The following MZT2A variants were observed in gnomAD, a reference collection of about 807,000 sequenced individuals.
MZT2A encodes mitotic spindle organizing protein 2A.
MZT2A carries 8 observed loss-of-function variants against 12.4 expected under a neutral mutation model. That is an observed-to-expected ratio of 0.64 (90% confidence interval 0.38 to 1.16). The LOEUF is 1.16. Among genes scored for constraint, MZT2A ranks in the 50% most tolerant of loss-of-function variants. MZT2A has a pLI of 0.01. For synonymous variants in MZT2A, 88 were observed against 107.5 expected, an observed-to-expected ratio of 0.82 and a Z score of 1.12; for missense variants, 181 against 223.6, an observed-to-expected ratio of 0.81 and a Z score of 1.22.
chr2:131,492,952 CCTGG>C, upstream of MZT2A: 2 of 1,525,636 alleles, frequency 1.3e-6, no homozygotes, highest in East Asian at 2.5e-5. Context: ...ATTTCCCCTC[CCTGG>C]CCGGCCGGCC....
chr2:131,480,591 A>G, downstream of MZT2A: 1 of 1,611,858 alleles, frequency 6.2e-7, no homozygotes, highest in Non-Finnish European at 8.5e-7. Context: ...CGAGCCAGCC[A>G]ATCAAATGGT....
chr2:131,485,636 G>A (rs2314124), intron 2 of MZT2A, among the ~76,000 whole-genome samples: 9 of 152,250 alleles, frequency 5.9e-5, no homozygotes, highest in East Asian at 3.9e-4. Context: ...GGGCAGTCCC[G>A]TGTGGGAACT....
At chr2:131,480,899 T>C, downstream of MZT2A, 2 of 1,193,046 alleles carry the variant, frequency 1.7e-6, no homozygotes, top group South Asian at 3.2e-5. Context: ...TGATAATTGA[T>C]TCAGTGATTT....
chr2:131,490,872 T>C, intron 2 of MZT2A: 2 of 1,549,980 alleles, frequency 1.3e-6, no homozygotes, highest in East Asian at 2.4e-5. Context: ...CTACTGTTCC[T>C]GGCAGAGAGA....
intron 2 of MZT2A, among the ~76,000 whole-genome samples, chr2:131,472,920 C>A (rs1003312796): frequency 2.6e-5 from 4 of 151,650 alleles, no homozygotes; most frequent in Non-Finnish European, 4.4e-5. Context: ...TGTCCCCCCC[C>A]ACCAATATTA....
At chr2:131,476,427 G>A (rs1300804673) in intron 2 of MZT2A, among the ~76,000 whole-genome samples, 1 of 152,210 alleles carries the variant, frequency 6.6e-6, no homozygotes, top group African/African-American at 2.4e-5. Flanking sequence ...TTAGTGAACG[G>A]GACCATTGAC....
chr2:131,490,443 T>C, intron 2 of MZT2A: 1 of 1,317,798 alleles, frequency 7.6e-7, no homozygotes, highest in Non-Finnish European at 9.8e-7. Context: ...GGAGAGGGGC[T>C]CTTTACACTC....
At chr2:131,479,744 G>A (rs540492948), downstream of MZT2A, among the ~76,000 whole-genome samples, 14 of 152,228 alleles carry the variant, frequency 9.2e-5, no homozygotes, top group African/African-American at 3.4e-4. Flanking sequence ...AGAGGCTGAG[G>A]CAGGAGAATT....
chr2:131,469,808 C>CGCCT (rs1390873773), intron 4 of MZT2A: 2 of 131,490 alleles, frequency 1.5e-5, no homozygotes, highest in African/African-American at 7.8e-5. Context: ...TCCTCCCCCC[C>CGCCT]TTTTTTTTTT....
At chr2:131,491,696 C>A in intron 2 of MZT2A, 180 bp downstream of exon 2, 1 of 803,546 alleles carries the variant, frequency 1.2e-6, no homozygotes, top group East Asian at 2.7e-5. Flanking sequence ...GGACGTGCCT[C>A]CTAAGGCTGG....
At chr2:131,473,063 GC>G (rs1486186068) in intron 2 of MZT2A, among the ~76,000 whole-genome samples, 2 of 152,210 alleles carry the variant, frequency 1.3e-5, no homozygotes, top group African/African-American at 4.8e-5. Context: ...AGACCAGAGA[GC>G]TTGGGTGCTA....
At chr2:131,492,437 C>G, upstream of MZT2A, 1 of 1,196,168 alleles carries the variant, frequency 8.4e-7, no homozygotes, top group East Asian at 3.9e-5. Context: ...ATGCGCCCAC[C>G]GCCCTCTCCC....
At chr2:131,487,967 G>C (rs113467262) in intron 2 of MZT2A, among the ~76,000 whole-genome samples, 4 of 152,266 alleles carry the variant, frequency 2.6e-5, no homozygotes, top group African/African-American at 4.8e-5. Context: ...GGGTCTCCCT[G>C]TGTTGCCCTG....
At chr2:131,493,153 G>A, upstream of MZT2A, 1 of 1,440,234 alleles carries the variant, frequency 6.9e-7, no homozygotes, top group East Asian at 2.6e-5. Context: ...GAGTGGCGCG[G>A]GACGCGCGCG....
intron 2 of MZT2A, 85 bp from the exon 3 acceptor site, chr2:131,484,303 T>C: frequency 6.4e-7 from 1 of 1,562,876 alleles, no homozygotes; most frequent in Non-Finnish European, 8.7e-7. Context: ...TTGGGCAACA[T>C]TTGTGTCTAC....
chr2:131,493,704 C>T (rs1021233545), upstream of MZT2A, among the ~76,000 whole-genome samples: 2 of 152,154 alleles, frequency 1.3e-5, no homozygotes, highest in Non-Finnish European at 2.9e-5. Flanking sequence ...CAAACGGGTC[C>T]GAAGCAGCTC....
chr2:131,475,212 C>T (rs1319282683), intron 2 of MZT2A, among the ~76,000 whole-genome samples: 1 of 151,778 alleles, frequency 6.6e-6, no homozygotes, highest in Non-Finnish European at 1.5e-5. Context: ...AACTCCTGAC[C>T]TGAAGCAGTC....
chr2:131,473,507 T>C (rs1678536437), intron 2 of MZT2A, among the ~76,000 whole-genome samples: 2 of 151,254 alleles, frequency 1.3e-5, no homozygotes, highest in African/African-American at 4.9e-5. Context: ...GGAGATGCCA[T>C]GGTGGGATGC....
downstream of MZT2A, among the ~76,000 whole-genome samples, chr2:131,479,611 G>A (rs397843423): frequency 3.9e-5 from 6 of 152,210 alleles, no homozygotes; most frequent in South Asian, 4.1e-4. Flanking sequence ...AGGCTAAAGC[G>A]GGTGGATTAC....
Sources: allele counts gnomAD v4.1 joint callset (sites outside exome capture counted in the v4.1 genomes callset), GRCh38; gene constraint gnomAD v4.1.1; transcripts MANE v1.5; gene names NCBI Gene and HGNC (gene_info 2026-07-23, HGNC 2026-07-21).